PRRC2C: variants seen among roughly 807,000 people sequenced by gnomAD.
PRRC2C encodes proline rich coiled-coil 2C, also known as protein PRRC2C.
In PRRC2C, 72 loss-of-function variants were observed where a neutral mutation model predicts 317.2. The observed-to-expected ratio is 0.23, with a 90% confidence interval of 0.19 to 0.28. The LOEUF is 0.28. Among genes scored for constraint, PRRC2C ranks in the 10% least tolerant of loss-of-function variants. The probability of loss-of-function intolerance (pLI) is 1.00; values close to 1 mark genes in which losing one functional copy is unlikely to be tolerated. For synonymous variants in PRRC2C, 1,296 were observed against 1,205.9 expected, an observed-to-expected ratio of 1.07 and a Z score of -1.55; for missense variants, 3,074 against 3,459.7, an observed-to-expected ratio of 0.89 and a Z score of 2.80.
chr1:171,488,010 G>T (rs1381318911), intron 1 of PRRC2C, among the ~76,000 whole-genome samples: 1 of 56,914 alleles, frequency 1.8e-5, no homozygotes, highest in African/African-American at 6.0e-5. Context: ...AGAAGTTCTG[G>T]CTCATTCCAG....
Position 171,550,125 on chromosome 1 carries a change from T to C in PRRC2C, c.5012T>C (p.Ile1671Thr), listed in dbSNP as rs1210534361. ...GATGATCATCCTGAAGTAACAGTAA[T>C]TGAAGATCCCCAGTCAAATTTGAAT... ...IIDDHPEVTV[I>T]EDPQSNLNDD... Residue 1671 changes from isoleucine (I) to threonine (T), a missense_variant, in exon 18 of 35, where the codon ATT (isoleucine) becomes ACT (threonine). Around this residue, in one of 11 missense-constraint regions of PRRC2C, gnomAD observed 640 missense variants for 676.1 expected, o/e 0.95. Transcript: ENST00000647382. The C allele has an allele frequency of 2.5e-6, 4 of 1,608,536 alleles. No homozygotes were observed. Among genetic ancestry groups the C allele is most frequent in the Non-Finnish European group, 3.4e-6 (4 of 1,177,216 alleles).
intron 18 of PRRC2C, among the ~76,000 whole-genome samples, chr1:171,552,231 A>G (rs1221547347): frequency 6.6e-6 from 1 of 152,106 alleles, no homozygotes; most frequent in East Asian, 1.9e-4. Flanking sequence ...GCAATTGTGA[A>G]TGGGAGTTCA....
At chr1:171,508,343 A>G (rs1670643756) in intron 1 of PRRC2C, among the ~76,000 whole-genome samples, 1 of 152,164 alleles carries the variant, frequency 6.6e-6, no homozygotes, top group African/African-American at 2.4e-5. Flanking sequence ...GAGAGTTTTT[A>G]TCATGAAAGG....
Position 171,592,061 on chromosome 1 carries a change from A to C in PRRC2C, c.*214A>C. On this transcript the variant is annotated 3_prime_UTR_variant, in exon 35 of 35. Transcript: ENST00000647382. ...TGCAAGCTTGTACCTACTATATAAC[A>C]TGTGCTTGGTTGATGGCCATGCATC... 5.9e-6 allele frequency: 3 copies of C among 507,750 alleles called. No individual in the cohort carries two copies. Among genetic ancestry groups the C allele is most frequent in the Non-Finnish European group, 3.4e-6 (1 of 297,004 alleles). 31.5% of individuals were successfully genotyped at this position (507,750 alleles called of 1,614,324 possible).
rs757086916 is a variant in PRRC2C at position 171,588,423 on chromosome 1, G to A, written c.8117G>A (p.Ser2706Asn). 3 of 1,613,532 alleles carry A rather than the reference G, an allele frequency of 1.9e-6. No homozygotes were observed. Among genetic ancestry groups the A allele is most frequent in the Non-Finnish European group, 2.5e-6 (3 of 1,179,672 alleles). Residue 2706 changes from serine (S) to asparagine (N), a missense_variant, in exon 33 of 35, where the codon AGC becomes AAC. Coordinates refer to ENST00000647382, the MANE Select transcript of PRRC2C (RefSeq NM_001387844.1). Reference sequence around the variant, plus strand: ...AACAGCCAGTCCAGCAAAATGAACAGCATTGTCTACCAGAAGCAGTTCCAG... The same window carrying A: ...AACAGCCAGTCCAGCAAAATGAACAACATTGTCTACCAGAAGCAGTTCCAG... ...SPNSQSSKMN[S>N]IVYQKQFQSA...
At position 171,524,872 on chromosome 1, in the gene PRRC2C, A is replaced by C; in HGVS notation, c.1107A>C (p.Thr369=). ...ASENNENKKE[T]DEVSNTKSSS... The stretch of plus-strand genomic sequence containing the variant: ...AAAACAACGAAAACAAAAAAGAAAC[A>C]GATGAAGTTTCCAACACTAAATCAT... The change falls in exon 10 of 35, where the codon ACA becomes ACC. Residue 369 remains threonine (T), a synonymous_variant. Transcript: ENST00000647382. 1 of 1,603,504 alleles carries C rather than the reference A, an allele frequency of 6.2e-7. No individual in the cohort carries two copies. Among genetic ancestry groups the C allele is most frequent in the Non-Finnish European group, 8.5e-7 (1 of 1,174,400 alleles).
chr1:171,577,686 C>A, intron 26 of PRRC2C, 49 bp downstream of exon 26: 1 of 1,519,682 alleles, frequency 6.6e-7, no homozygotes, highest in East Asian at 2.3e-5. Context: ...TGAAGACTTA[C>A]TAAAATGCTT....
In PRRC2C at chr1:171,527,804, C is replaced by T. The variant is rs368227343; in HGVS notation, c.1214C>T (p.Ser405Phe). The T allele has an allele frequency of 3.8e-6, 6 of 1,579,688 alleles. No individual in the cohort carries two copies. In the African/African-American group the frequency reaches 8.1e-5, roughly 21 times the overall value. Residue 405 changes from serine (S) to phenylalanine (F), a missense_variant, in exon 11 of 35, where the codon TCT becomes TTT. Coordinates refer to ENST00000647382, the MANE Select transcript of PRRC2C (RefSeq NM_001387844.1). The part of the protein sequence containing the change: ...GPSFNQERGT[S>F]SHLPPPPKLL... ...TCTTTATAATAGGAACGTGGAACAT[C>T]TTCACATCTGCCACCACCTCCAAAG...
At chr1:171,549,552 A>G (rs1200844207) in intron 17 of PRRC2C, among the ~76,000 whole-genome samples, 2 of 152,118 alleles carry the variant, frequency 1.3e-5, no homozygotes, top group East Asian at 3.8e-4. Flanking sequence ...GACCTATATC[A>G]TTCAAAACAG....
intron 34 of PRRC2C, chr1:171,591,284 G>A (rs1390698419): frequency 4.1e-6 from 4 of 968,460 alleles, no homozygotes; most frequent in Admixed American, 9.2e-5. Context: ...AGTGTTACAT[G>A]TATGTTTTTA....
At chr1:171,554,927 A>C (rs1681058318) in intron 18 of PRRC2C, among the ~76,000 whole-genome samples, 1 of 152,098 alleles carries the variant, frequency 6.6e-6, no homozygotes, top group Admixed American at 6.5e-5. Context: ...GGTGAATCTG[A>C]CAATTATGTG....
intron 12 of PRRC2C, 67 bp downstream of exon 12, chr1:171,533,028 G>C: frequency 3.6e-6 from 5 of 1,404,672 alleles, no homozygotes. Context: ...TACAGTTTGG[G>C]GTTTGTATAT....
At chr1:171,551,781 G>C (rs1680297301) in intron 18 of PRRC2C, among the ~76,000 whole-genome samples, 1 of 152,162 alleles carries the variant, frequency 6.6e-6, no homozygotes, top group Non-Finnish European at 1.5e-5. Flanking sequence ...TAGATGGGTG[G>C]TGTTATTTCT....
chr1:171,576,889 A>G lies in PRRC2C; in HGVS notation c.6956-545A>G, dbSNP rs56189116. 3.1e-3 allele frequency among the ~76,000 whole-genome samples: 465 copies of G among 152,148 alleles called. 1 individual carries two copies. The highest frequency in any genetic ancestry group is 0.011 in the African/African-American group (439 of 41,494). Reference sequence around the variant, plus strand: ...TTTTGTGTAGAGACAGGATCTTACAATGTTCCCCAGGCTGGTCTTATACTC... The same window carrying G: ...TTTTGTGTAGAGACAGGATCTTACAGTGTTCCCCAGGCTGGTCTTATACTC... On this transcript the variant is annotated intron_variant, in intron 25 of 34. Coordinates refer to ENST00000647382, the MANE Select transcript of PRRC2C (RefSeq NM_001387844.1).
At position 171,537,430 on chromosome 1, in the gene PRRC2C, CAAGCAACTACTCCCA is replaced by C; in HGVS notation, c.2469_2483del (p.Thr824_Thr828del). On this transcript the variant is annotated inframe_deletion, in exon 15 of 35. Transcript: ENST00000647382. ...TCCCTATCCTCATGCTGAGCCTCAA[CAAGCAACTACTCCCA>C]AAGCAACAGAAGAGCCTGAGGATGT... 1.9e-6 allele frequency: 3 copies of C among 1,584,896 alleles called. No individual in the cohort carries two copies. Among genetic ancestry groups the C allele is most frequent in the Non-Finnish European group, 2.6e-6 (3 of 1,164,576 alleles).
chr1:171,495,656 A>C (rs1040812586), intron 1 of PRRC2C, among the ~76,000 whole-genome samples: 1 of 152,168 alleles, frequency 6.6e-6, no homozygotes, highest in South Asian at 2.1e-4. Context: ...GAAGTGACTA[A>C]ATTTTTTTAA....
At chr1:171,488,539 G>A (rs1666544791) in intron 1 of PRRC2C, among the ~76,000 whole-genome samples, 1 of 152,158 alleles carries the variant, frequency 6.6e-6, no homozygotes, top group African/African-American at 2.4e-5. Context: ...TGTTGCCCTG[G>A]CTGGCCTCCA....
chr1:171,486,452 C>T (rs1194935992), intron 1 of PRRC2C, among the ~76,000 whole-genome samples: 1 of 151,952 alleles, frequency 6.6e-6, no homozygotes, highest in Non-Finnish European at 1.5e-5. Flanking sequence ...GTAAAGGCCC[C>T]GTTTTAGGAC....
intron 17 of PRRC2C, among the ~76,000 whole-genome samples, chr1:171,548,027 G>A (rs577415801): frequency 1.2e-4 from 19 of 152,186 alleles, no homozygotes; most frequent in South Asian, 1.2e-3. Flanking sequence ...GTACAGTGGC[G>A]TGATCTCGGC....
Sources: allele counts gnomAD v4.1 joint callset (sites outside exome capture counted in the v4.1 genomes callset), GRCh38; gene constraint gnomAD v4.1.1; regional missense constraint gnomAD v4.1.1; transcripts MANE v1.5; gene names NCBI Gene and HGNC (gene_info 2026-07-23, HGNC 2026-07-21).